Variants in ACYP2 observed in about 807,000 individuals in gnomAD.
ACYP2 encodes the protein acylphosphatase-2.
Under a neutral mutation model 11.2 loss-of-function variants are expected in ACYP2, and 12 were observed. The ratio of observed to expected loss-of-function variants is 1.08; its 90% CI spans 0.69 to 1.74. The LOEUF (loss-of-function observed/expected upper bound fraction) is 1.74, where lower values mean the gene tolerates loss of function less well. Ranked by LOEUF, ACYP2 falls within the 40% of genes most tolerant of loss-of-function variation. The pLI, the probability that ACYP2 is intolerant of heterozygous loss-of-function variation, is 0.00. For synonymous variants in ACYP2, 43 were observed against 32.2 expected (o/e 1.33, Z -1.13); for missense variants, 134 against 101.9 (o/e 1.31, Z -1.35).
intron 4 of ACYP2, among the ~76,000 whole-genome samples, chr2:54,135,217 G>C (rs764873730): frequency 8.5e-5 from 13 of 152,180 alleles, no homozygotes; most frequent in African/African-American, 1.2e-4. Context: ...GGGTGGGACA[G>C]CATGAGATTT....
intron 6 of ACYP2, among the ~76,000 whole-genome samples, chr2:54,281,850 T>C (rs1239780954): frequency 6.6e-6 from 1 of 152,220 alleles, no homozygotes; most frequent in African/African-American, 2.4e-5. Flanking sequence ...ATTCAATTTG[T>C]TTGAACAAGA....
intron 4 of ACYP2, among the ~76,000 whole-genome samples, chr2:54,116,009 C>G (rs1450269819): frequency 6.6e-6 from 1 of 151,920 alleles, no homozygotes; most frequent in East Asian, 1.9e-4. Context: ...TGCTGAGGAC[C>G]AGAAGTGGGC....
At chr2:54,066,260 G>A (rs991118425) in intron 4 of ACYP2, among the ~76,000 whole-genome samples, 1 of 152,154 alleles carries the variant, frequency 6.6e-6, no homozygotes, top group Non-Finnish European at 1.5e-5. Context: ...GTTTAGAAGT[G>A]CGTGGTGGAT....
Position 54,150,318 on chromosome 2 carries a change from G to A in ACYP2, c.404+11570G>A, listed in dbSNP as rs541297676. Among the ~76,000 whole-genome samples, 12 of 152,338 alleles carry A rather than the reference G, an allele frequency of 7.9e-5. No individual in the cohort carries two copies. In the South Asian group the frequency reaches 2.5e-3, roughly 32 times the overall value. ...GTTTGCTGCTCACTGTATAACAGCT[G>A]TCAGACAAGCCGAGGGTGTTGTAGG... On this transcript the variant is annotated intron_variant, in intron 6 of 6. Transcript: ENST00000607452.
intron 2 of ACYP2, among the ~76,000 whole-genome samples, chr2:54,036,149 C>T (rs371730098): frequency 1.7e-3 from 266 of 152,252 alleles, no homozygotes; most frequent in African/African-American, 5.9e-3. Context: ...GACTGGAGTG[C>T]GGTGGCATGA....
chr2:54,297,763 T>TAA (rs10649402), intron 6 of ACYP2, among the ~76,000 whole-genome samples: 90,018 of 151,854 alleles, frequency 0.59, 27,821 homozygotes, highest in African/African-American at 0.77. Context: ...AAGAAAAATA[T>TAA]GAGTATAAAT....
rs1553350323 is a variant in ACYP2, at chr2:53,995,488, T to TA, written c.62+21678_62+21679insA. Among the ~76,000 whole-genome samples the TA allele has an allele frequency of 9.7e-3, 1,401 of 145,068 alleles. 21 individuals carry two copies. Among genetic ancestry groups the TA allele is most frequent in the African/African-American group, 0.033 (1,297 of 39,348 alleles). Reference sequence around the variant, plus strand: ...ATTATTTTTTATTTATTTATTTATTTTTTATTTATTTATTTATTTATTTAT... The same window carrying TA: ...ATTATTTTTTATTTATTTATTTATTTATTTATTTATTTATTTATTTATTTAT... On this transcript the variant is annotated intron_variant, in intron 2 of 6. Transcript: ENST00000607452.
chr2:54,234,750 A>AT (rs1342759674), intron 6 of ACYP2, among the ~76,000 whole-genome samples: 6 of 152,216 alleles, frequency 3.9e-5, no homozygotes, highest in African/African-American at 7.2e-5. Context: ...ACATTGTCTC[A>AT]TCCCTTCTTA....
chr2:54,171,642 G>GT (rs1012829011), intron 6 of ACYP2, among the ~76,000 whole-genome samples: 21 of 151,120 alleles, frequency 1.4e-4, no homozygotes, highest in African/African-American at 2.7e-4. Flanking sequence ...GAGGATCTTA[G>GT]TTTTTTTTTC....
At chr2:54,115,527 C>T in intron 4 of ACYP2, 88 bp from the exon 1 acceptor site, 2 of 1,491,364 alleles carry the variant, frequency 1.3e-6, no homozygotes, top group Admixed American at 4.6e-5. Flanking sequence ...TCCCAGGCCC[C>T]GCAGTCTCAT....
chr2:54,233,486 T>C (rs1036755322), intron 6 of ACYP2, among the ~76,000 whole-genome samples: 2 of 151,998 alleles, frequency 1.3e-5, no homozygotes, highest in Non-Finnish European at 2.9e-5. Context: ...TTGCATTTTT[T>C]GTAGAAATGG....
At chr2:54,302,898 C>G (rs1202706426) in intron 6 of ACYP2, among the ~76,000 whole-genome samples, 6 of 152,202 alleles carry the variant, frequency 3.9e-5, no homozygotes, top group African/African-American at 1.4e-4. Context: ...GAATCTGAAT[C>G]CTCCTGACAA....
chr2:54,274,017 T>C (rs1445562328), intron 6 of ACYP2, among the ~76,000 whole-genome samples: 1 of 152,240 alleles, frequency 6.6e-6, no homozygotes, highest in African/African-American at 2.4e-5. Flanking sequence ...AGATGGCTTA[T>C]GCCTGTTGTA....
Position 54,064,849 on chromosome 2 carries a change from G to C in ACYP2, c.277+7489G>C, listed in dbSNP as rs150999216. On this transcript the variant is annotated intron_variant, in intron 4 of 6. Transcript: ENST00000607452. ...GCCTGTAATCCCAGCACTTTGGGAG[G>C]CCGAAGCGGGCGGATCACAAAGTCA... Among the ~76,000 whole-genome samples the C allele has an allele frequency of 1.5e-3, 236 of 152,266 alleles. 5 individuals are homozygous for C. The East Asian group carries it at 0.044, about 29-fold the overall frequency.
chr2:53,981,604 A>AGGG (rs1422939240), intron 2 of ACYP2, among the ~76,000 whole-genome samples: 2 of 152,172 alleles, frequency 1.3e-5, no homozygotes, highest in Non-Finnish European at 1.5e-5. Flanking sequence ...ACGCATAAAA[A>AGGG]GGGGAGGGGG....
chr2:54,144,077 C>G (rs1311442313), intron 6 of ACYP2, among the ~76,000 whole-genome samples: 16 of 152,086 alleles, frequency 1.1e-4, no homozygotes, highest in Admixed American at 8.5e-4. Flanking sequence ...TTAAGTGATG[C>G]TTCCATCTCA....
chr2:54,142,367 T>C (rs1681653930), intron 6 of ACYP2: 1 of 152,896 alleles, frequency 6.5e-6, no homozygotes, highest in South Asian at 2.1e-4. Context: ...ATGTCCATTT[T>C]ATGTCTTAGG....
chr2:54,072,764 T>C (rs1276946119), intron 4 of ACYP2, among the ~76,000 whole-genome samples: 1 of 152,080 alleles, frequency 6.6e-6, no homozygotes, highest in African/African-American at 2.4e-5. Flanking sequence ...GGTTTCACCA[T>C]GTTGGCCAGG....
chr2:54,087,410 C>T (rs1304223149), intron 4 of ACYP2, among the ~76,000 whole-genome samples: 1 of 152,088 alleles, frequency 6.6e-6, no homozygotes, highest in Non-Finnish European at 1.5e-5. Flanking sequence ...TACAGTGGCG[C>T]CATCATGGCT....
Sources: gnomAD v4.1 joint callset for allele counts (sites outside exome capture counted in the v4.1 genomes callset) on GRCh38, gnomAD v4.1.1 for gene constraint, MANE v1.5 for transcripts, NCBI Gene and HGNC (gene_info 2026-07-23, HGNC 2026-07-21) for gene names.